Variants in PDE4B observed in about 807,000 individuals in gnomAD.
PDE4B encodes the protein phosphodiesterase 4B, also known as 3',5'-cyclic-AMP phosphodiesterase 4B.
PDE4B carries 20 observed loss-of-function variants against 82.2 expected under a neutral mutation model. The ratio of observed to expected loss-of-function variants is 0.24; its 90% confidence interval spans 0.17 to 0.35. The LOEUF is 0.35. Among genes scored for constraint, PDE4B ranks in the 10% least tolerant of loss-of-function variants. The probability of loss-of-function intolerance (pLI) is 1.00; values close to 1 mark genes in which losing one functional copy is unlikely to be tolerated. For synonymous variants in PDE4B, 320 were observed against 318.9 expected (o/e 1.00, Z -0.04); for missense variants, 655 against 907.2 (o/e 0.72, Z 3.57).
chr1:66,331,798 C>T (rs193014462), intron 7 of PDE4B: 9 of 985,356 alleles, frequency 9.1e-6, no homozygotes, highest in Admixed American at 1.2e-4. Flanking sequence ...AACGTGTTCA[C>T]GTAAAACTCC....
rs188553746 is a variant in PDE4B, at chr1:65,935,055, A to G, written c.281+16220A>G. Among the ~76,000 whole-genome samples the G allele has an allele frequency of 3.3e-5, 5 of 152,314 alleles. No homozygotes were observed. The East Asian group carries it at 9.6e-4, about 29-fold the overall frequency. ...AATATTCATCTCATAGCTGCAGAAT[A>G]TACATTCTTCTCAGGTGTACATGAA... On this transcript the variant is annotated intron_variant, in intron 3 of 16. Coordinates refer to ENST00000341517, the MANE Select transcript of PDE4B (RefSeq NM_002600.4).
At chr1:66,209,925 C>A (rs1649886972) in intron 3 of PDE4B, among the ~76,000 whole-genome samples, 1 of 152,088 alleles carries the variant, frequency 6.6e-6, no homozygotes, top group Admixed American at 6.5e-5. Flanking sequence ...CCATTTGTCT[C>A]CTGATGTGTA....
At chr1:66,278,867 G>A (rs1358501484) in intron 7 of PDE4B, among the ~76,000 whole-genome samples, 1 of 151,906 alleles carries the variant, frequency 6.6e-6, no homozygotes, top group Non-Finnish European at 1.5e-5. Flanking sequence ...TGTGTGTGGT[G>A]TGTGCATGCA....
At chr1:66,218,772 AT>A (rs139562125) in intron 3 of PDE4B, among the ~76,000 whole-genome samples, 1 of 152,108 alleles carries the variant, frequency 6.6e-6, no homozygotes, top group African/African-American at 2.4e-5. Context: ...ATATTTATTC[AT>A]TTTAGCACTC....
At chr1:66,316,257 A>G (rs1490754321) in intron 7 of PDE4B, among the ~76,000 whole-genome samples, 1 of 152,220 alleles carries the variant, frequency 6.6e-6, no homozygotes, top group Non-Finnish European at 1.5e-5. Flanking sequence ...AAAGATTAAT[A>G]TTCCCTTGTT....
chr1:66,208,011 C>A (rs1300118895), intron 3 of PDE4B, among the ~76,000 whole-genome samples: 1 of 152,124 alleles, frequency 6.6e-6, no homozygotes, highest in Non-Finnish European at 1.5e-5. Context: ...ATTACTTAGA[C>A]TAATTTTAAA....
At chr1:66,059,971 A>G (rs1655500115) in intron 3 of PDE4B, among the ~76,000 whole-genome samples, 1 of 152,228 alleles carries the variant, frequency 6.6e-6, no homozygotes, top group South Asian at 2.1e-4. Context: ...TTCCAAGTCC[A>G]TACACATTTG....
intron 7 of PDE4B, among the ~76,000 whole-genome samples, chr1:66,298,064 A>G (rs1384279441): frequency 1.3e-5 from 2 of 152,180 alleles, no homozygotes; most frequent in Non-Finnish European, 2.9e-5. Flanking sequence ...CTTGAGATAC[A>G]TACTAAGATG....
intron 3 of PDE4B, among the ~76,000 whole-genome samples, chr1:66,061,969 G>A (rs1049827323): frequency 6.6e-6 from 1 of 152,022 alleles, no homozygotes; most frequent in Non-Finnish European, 1.5e-5. Flanking sequence ...CAGGGAGAGA[G>A]GGACATAATT....
chr1:66,022,517 G>A (rs898498133), intron 3 of PDE4B, among the ~76,000 whole-genome samples: 2 of 152,124 alleles, frequency 1.3e-5, no homozygotes, highest in African/African-American at 2.4e-5. Flanking sequence ...TTAGCTTGTA[G>A]GGCTGTTGAA....
At chr1:65,825,318 C>T (rs74537890) in intron 1 of PDE4B, among the ~76,000 whole-genome samples, 4,629 of 152,218 alleles carry the variant, frequency 0.03, 176 homozygotes, top group East Asian at 0.13. Context: ...AACCCTAAAA[C>T]AATGAGGTGG....
intron 15 of PDE4B, among the ~76,000 whole-genome samples, chr1:66,368,518 T>A (rs1471595081): frequency 1.3e-5 from 2 of 152,246 alleles, no homozygotes; most frequent in Non-Finnish European, 2.9e-5. Context: ...TAGCAGCATC[T>A]GACCTCTAAT....
chr1:65,967,949 A>T (rs748779626), intron 3 of PDE4B, among the ~76,000 whole-genome samples: 3 of 152,160 alleles, frequency 2.0e-5, no homozygotes, highest in Non-Finnish European at 2.9e-5. Flanking sequence ...ACAAACCACC[A>T]TGGCATGTGT....
At chr1:66,243,345 T>A (rs1653036343) in intron 3 of PDE4B, among the ~76,000 whole-genome samples, 1 of 152,212 alleles carries the variant, frequency 6.6e-6, no homozygotes, top group African/African-American at 2.4e-5. Flanking sequence ...TCTGTCCACA[T>A]TTTTTGAAGA....
Position 66,029,645 on chromosome 1 carries a change from G to C in PDE4B, c.281+110810G>C, listed in dbSNP as rs1049603929. 2.0e-5 allele frequency among the ~76,000 whole-genome samples: 3 copies of C among 151,930 alleles called. No homozygotes were observed. In the East Asian group the frequency reaches 5.8e-4, roughly 29 times the overall value. On this transcript the variant is annotated intron_variant, in intron 3 of 16. Coordinates refer to ENST00000341517, the MANE Select transcript of PDE4B (RefSeq NM_002600.4). ...TATAGTATGTATGAATGTTACTTTT[G>C]CTTTTTGATATGAAATATAAGTCAT...
intron 9 of PDE4B, chr1:66,360,610 GT>G (rs899017224): frequency 6.6e-5 from 10 of 152,228 alleles, no homozygotes; most frequent in African/African-American, 2.2e-4. Context: ...CAATAAAGTA[GT>G]TTTTATGCAA....
intron 3 of PDE4B, among the ~76,000 whole-genome samples, chr1:65,954,316 T>A (rs900056710): frequency 2.6e-5 from 4 of 152,166 alleles, no homozygotes; most frequent in Non-Finnish European, 4.4e-5. Context: ...TAGGCCACCA[T>A]ACTTGAATTA....
intron 3 of PDE4B, among the ~76,000 whole-genome samples, chr1:66,062,068 T>C (rs1438309578): frequency 6.6e-6 from 1 of 152,128 alleles, no homozygotes; most frequent in East Asian, 1.9e-4. Context: ...GATAAGAGGT[T>C]GCTTATACAC....
chr1:66,250,554 T>A (rs1653681026), intron 4 of PDE4B, among the ~76,000 whole-genome samples: 1 of 152,102 alleles, frequency 6.6e-6, no homozygotes, highest in African/African-American at 2.4e-5. Context: ...AAGGAGAGGA[T>A]CAGAATAAGG....
Sources: gnomAD v4.1 joint callset for allele counts (sites outside exome capture counted in the v4.1 genomes callset) on GRCh38, gnomAD v4.1.1 for gene constraint, MANE v1.5 for transcripts, NCBI Gene and HGNC (gene_info 2026-07-23, HGNC 2026-07-21) for gene names.